The following EPHA6 variants were observed in gnomAD, a reference collection of about 807,000 sequenced individuals.
EPHA6 encodes ephrin type-A receptor 6.
A neutral mutation model predicts 112.0 loss-of-function variants in EPHA6; 50 were observed. The observed-to-expected ratio is 0.45, with a 90% CI of 0.36 to 0.56. The LOEUF (loss-of-function observed/expected upper bound fraction) is 0.56, where lower values mean the gene tolerates loss of function less well. Ranked by LOEUF, EPHA6 falls within the 20% of genes least tolerant of loss-of-function variation. The probability of loss-of-function intolerance (pLI) is 0.00; values close to 1 mark genes in which losing one functional copy is unlikely to be tolerated. For missense variants in EPHA6, 1,280 were observed against 1,417.4 expected (o/e 0.90, Z 1.56); for synonymous variants, 529 against 490.7 (o/e 1.08, Z -1.03).
At chr3:97,105,965 T>C (rs1480998915) in intron 3 of EPHA6, among the ~76,000 whole-genome samples, 1 of 152,144 alleles carries the variant, frequency 6.6e-6, no homozygotes, top group Non-Finnish European at 1.5e-5. Flanking sequence ...AAATTAGGAT[T>C]GCAACCCCTG....
intron 3 of EPHA6, among the ~76,000 whole-genome samples, chr3:97,187,058 A>G (rs150462727): frequency 1.3e-5 from 2 of 152,160 alleles, no homozygotes; most frequent in East Asian, 1.9e-4. Flanking sequence ...TAACTAAGTT[A>G]TGTTGTCATA....
chr3:97,639,813 C>G (rs1216732553), intron 14 of EPHA6, among the ~76,000 whole-genome samples: 1 of 152,128 alleles, frequency 6.6e-6, no homozygotes, highest in Non-Finnish European at 1.5e-5. Context: ...GATTGGACCC[C>G]AGACTTAAAT....
rs1243337237 is a variant in EPHA6 at position 97,746,029 on chromosome 3, T to G, written c.3129-1394T>G. On this transcript the variant is annotated intron_variant, in intron 16 of 17. Coordinates refer to ENST00000389672, the MANE Select transcript of EPHA6 (RefSeq NM_001080448.3). ...TATCAATTGCTAGTTAAAGCTGAAG[T>G]AGTTCAAATGTGAATGGTAAAAACA... Among the ~76,000 whole-genome samples, 4 of 152,004 alleles carry G rather than the reference T, an allele frequency of 2.6e-5. No individual in the cohort carries two copies. The South Asian group carries it at 6.2e-4, about 24-fold the overall frequency.
intron 11 of EPHA6, among the ~76,000 whole-genome samples, chr3:97,558,498 T>A (rs761416317): frequency 1.3e-5 from 2 of 152,004 alleles, no homozygotes; most frequent in Non-Finnish European, 2.9e-5. Context: ...TCTCTCCCAA[T>A]GCTATGAGTG....
chr3:97,276,392 TC>T (rs1409146891), intron 5 of EPHA6, among the ~76,000 whole-genome samples: 2 of 151,592 alleles, frequency 1.3e-5, no homozygotes, highest in African/African-American at 2.4e-5. Flanking sequence ...TTAGGAGGAA[TC>T]CGGGGCTGTG....
At chr3:97,488,673 T>A (rs1255288736) in intron 10 of EPHA6, among the ~76,000 whole-genome samples, 1 of 152,238 alleles carries the variant, frequency 6.6e-6, no homozygotes, top group African/African-American at 2.4e-5. Flanking sequence ...ATATATATAT[T>A]TTAAAACCTT....
chr3:97,077,587 C>T (rs1284906230), intron 3 of EPHA6, among the ~76,000 whole-genome samples: 2 of 151,806 alleles, frequency 1.3e-5, no homozygotes, highest in African/African-American at 4.8e-5. Flanking sequence ...TGTTCCCCGC[C>T]CTTTGTCCAA....
chr3:96,868,606 C>A (rs1374639906), intron 2 of EPHA6, among the ~76,000 whole-genome samples: 1 of 151,860 alleles, frequency 6.6e-6, no homozygotes. Flanking sequence ...ACCATTTTAA[C>A]AATTACACTT....
At chr3:97,225,080 C>G (rs752775272) in intron 3 of EPHA6, among the ~76,000 whole-genome samples, 2 of 152,098 alleles carry the variant, frequency 1.3e-5, no homozygotes, top group East Asian at 3.9e-4. Flanking sequence ...CTCAGTCTCC[C>G]GAGTAGCTGG....
chr3:97,106,419 T>C (rs546161391), intron 3 of EPHA6, among the ~76,000 whole-genome samples: 3 of 152,140 alleles, frequency 2.0e-5, no homozygotes, highest in South Asian at 4.2e-4. Flanking sequence ...TTATAATATC[T>C]CCAAAAATAA....
At chr3:97,095,169 G>A (rs2047197946) in intron 3 of EPHA6, among the ~76,000 whole-genome samples, 1 of 151,916 alleles carries the variant, frequency 6.6e-6, no homozygotes, top group African/African-American at 2.4e-5. Context: ...GCGTAATATT[G>A]TTAAAAAGCA....
intron 2 of EPHA6, among the ~76,000 whole-genome samples, chr3:96,915,053 A>G (rs533471067): frequency 3.3e-5 from 5 of 151,762 alleles, no homozygotes; most frequent in Non-Finnish European, 7.4e-5. Context: ...TAGTACCATG[A>G]TTGAATCTAC....
chr3:97,077,004 G>C (rs1329724308), intron 3 of EPHA6, among the ~76,000 whole-genome samples: 1 of 152,080 alleles, frequency 6.6e-6, no homozygotes, highest in Admixed American at 6.6e-5. Context: ...TACAAGATTA[G>C]TGTTGTATTC....
intron 10 of EPHA6, among the ~76,000 whole-genome samples, chr3:97,498,031 A>C (rs1037023243): frequency 7.2e-5 from 11 of 152,092 alleles, no homozygotes; most frequent in African/African-American, 2.7e-4. Flanking sequence ...AACAAACAAA[A>C]AAACACAGGA....
At chr3:97,638,108 A>T in intron 14 of EPHA6, 26 bp downstream of exon 14, 1 of 1,534,224 alleles carries the variant, frequency 6.5e-7, no homozygotes, top group African/African-American at 1.4e-5. Flanking sequence ...CTTTCCTAAT[A>T]TAGTCTGTTT....
intron 10 of EPHA6, among the ~76,000 whole-genome samples, chr3:97,504,523 A>G (rs146149799): frequency 1.8e-4 from 28 of 152,186 alleles, no homozygotes; most frequent in African/African-American, 6.0e-4. Flanking sequence ...CCCTTACTGT[A>G]TATGTGTCAG....
intron 14 of EPHA6, among the ~76,000 whole-genome samples, chr3:97,680,071 T>C (rs2031735082): frequency 6.6e-6 from 1 of 152,180 alleles, no homozygotes. Flanking sequence ...TCTTATGTCT[T>C]TGAGGTCTTA....
At chr3:96,843,359 A>G (rs572440549) in intron 1 of EPHA6, among the ~76,000 whole-genome samples, 208 of 152,166 alleles carry the variant, frequency 1.4e-3, no homozygotes, top group African/African-American at 4.5e-3. Context: ...TTGGGACTTG[A>G]TAGTTAAGGG....
chr3:96,890,413 A>C (rs1395009458), intron 2 of EPHA6, among the ~76,000 whole-genome samples: 1 of 152,210 alleles, frequency 6.6e-6, no homozygotes, highest in East Asian at 1.9e-4. Flanking sequence ...ACATATGAAA[A>C]GGAACTTAAT....
Sources: allele counts gnomAD v4.1 joint callset (sites outside exome capture counted in the v4.1 genomes callset), GRCh38; gene constraint gnomAD v4.1.1; transcripts MANE v1.5; gene names NCBI Gene and HGNC (gene_info 2026-07-23, HGNC 2026-07-21).